The following UNC13B variants were observed in gnomAD, a reference collection of about 807,000 sequenced individuals.
The protein encoded by UNC13B is unc-13 homolog B.
A neutral mutation model predicts 211.0 loss-of-function variants in UNC13B; 144 were observed. That is an observed-to-expected ratio of 0.68 (90% confidence interval 0.60 to 0.78). UNC13B has a LOEUF of 0.78. Ranked by LOEUF, UNC13B falls within the 30% of genes least tolerant of loss-of-function variation. The pLI, the probability that UNC13B is intolerant of heterozygous loss-of-function variation, is 0.00. For synonymous variants in UNC13B, 709 were observed against 725.8 expected, an observed-to-expected ratio of 0.98 and a Z score of 0.37; for missense variants, 1,777 against 2,002.0, an observed-to-expected ratio of 0.89 and a Z score of 2.14.
chr9:35,281,209 C>A (rs1828466499), intron 7 of UNC13B, among the ~76,000 whole-genome samples: 1 of 148,650 alleles, frequency 6.7e-6, no homozygotes. Context: ...GAGATCACGC[C>A]ACTGCACTCC....
intron 7 of UNC13B, among the ~76,000 whole-genome samples, chr9:35,267,829 G>A (rs936647306): frequency 1.3e-5 from 2 of 152,136 alleles, no homozygotes; most frequent in Non-Finnish European, 1.5e-5. Context: ...ACCAAAAGAT[G>A]TACTTAGCTT....
chr9:35,304,386 G>A lies in UNC13B; in HGVS notation c.4982G>A (p.Arg1661Lys), dbSNP rs1329575939. ...YNRQKFKGDF[R>K]SFKERPCGSE... ...CGTCAAAAGTTTAAAGGAGACTTTA[G>A]ATCTTTCAAAGAAAGGCCGTGTGGT... is the stretch of plus-strand genomic sequence containing the variant. Residue 1661 changes from arginine to lysine, a missense_variant, in exon 9 of 40, where the codon AGA becomes AAA. Physicochemically the swap from Arg to Lys is conservative, Grantham distance 26. Coordinates refer to ENST00000635942, the MANE Select transcript of UNC13B (RefSeq NM_001371189.2). 1 of 398,532 alleles carries A rather than the reference G, an allele frequency of 2.5e-6. No homozygotes were observed. The highest frequency in any genetic ancestry group is 4.4e-6 in the Non-Finnish European group (1 of 225,884). The allele number at this position is 398,532 out of a possible 1,614,324, so 24.7% of individuals were successfully genotyped here. A position where few individuals can be genotyped will look rare whatever the true frequency, so the allele number is the denominator to read the frequency against.
Position 35,397,650 on chromosome 9 carries a change from C to T in UNC13B, c.11692C>T (p.Leu3898=). 1 of 1,613,818 alleles carries T rather than the reference C, an allele frequency of 6.2e-7. No homozygotes were observed. Among genetic ancestry groups the T allele is most frequent in the Non-Finnish European group, 8.5e-7 (1 of 1,179,906 alleles). ...RRFAKTIGKV[L]MQYADILSKD... is the part of the protein sequence containing the mutation. The stretch of plus-strand genomic sequence containing the variant: ...CTCTTCTCAGACCATCGGGAAGGTG[C>T]TGATGCAGTATGCAGACATCTTGTC... The change falls in exon 30 of 40, where the codon CTG becomes TTG. Residue 3898 remains leucine, a synonymous_variant. Coordinates refer to ENST00000635942, the MANE Select transcript of UNC13B (RefSeq NM_001371189.2).
chr9:35,404,003 A>G lies in UNC13B; in HGVS notation c.12993A>G (p.Ser4331=). Residue 4331 remains serine, a synonymous_variant, in exon 40 of 40, where the codon TCA becomes TCG. Transcript: ENST00000635942. ...CCCGAGAATTTGTGAAACTCAAATC[A>G]GAGTCTCGTTCCACGGAGGAGGGGA... ...EVAREFVKLK[S]ESRSTEEGS 6.2e-7 allele frequency: 1 copy of G among 1,613,920 alleles called. No homozygotes were observed. Among genetic ancestry groups the G allele is most frequent in the Non-Finnish European group, 8.5e-7 (1 of 1,180,006 alleles).
In UNC13B at chr9:35,376,009, TG is replaced by T. The variant is rs1564177259; in HGVS notation, c.9616-15del. 19 of 1,613,064 alleles carry T rather than the reference TG, an allele frequency of 1.2e-5. No homozygotes were observed. Among genetic ancestry groups the T allele is most frequent in the Non-Finnish European group, 1.6e-5 (19 of 1,179,182 alleles). On this transcript the variant is annotated intron_variant, in intron 14 of 39. Coordinates refer to ENST00000635942, the MANE Select transcript of UNC13B (RefSeq NM_001371189.2). The stretch of plus-strand genomic sequence containing the variant: ...CAAACAAAAAACAAAAATCATGGGA[TG>T]GGGTATGTGTCTTTCAGAAATCCCA...
chr9:35,219,569 A>G (rs530621790), intron 1 of UNC13B, among the ~76,000 whole-genome samples: 1 of 149,540 alleles, frequency 6.7e-6, no homozygotes, highest in African/African-American at 2.5e-5. Flanking sequence ...GTGAGCCATG[A>G]TTATACCACT....
chr9:35,333,557 T>C (rs1831485033), intron 11 of UNC13B, among the ~76,000 whole-genome samples: 1 of 152,242 alleles, frequency 6.6e-6, no homozygotes, highest in African/African-American at 2.4e-5. Context: ...TTCCTCCTTC[T>C]CCCTTTCATC....
At chr9:35,336,239 C>T (rs1831648227) in intron 11 of UNC13B, among the ~76,000 whole-genome samples, 1 of 152,108 alleles carries the variant, frequency 6.6e-6, no homozygotes, top group South Asian at 2.1e-4. Context: ...CCACTTCATA[C>T]AATGTGTTCA....
chr9:35,232,732 T>C (rs1326581735), intron 3 of UNC13B, among the ~76,000 whole-genome samples: 2 of 152,142 alleles, frequency 1.3e-5, no homozygotes, highest in Non-Finnish European at 2.9e-5. Context: ...GTACAGAAGA[T>C]AGTTAGAAAC....
intron 4 of UNC13B, 52 bp from the exon 5 acceptor site, chr9:35,237,651 T>C: frequency 6.3e-7 from 1 of 1,596,510 alleles, no homozygotes; most frequent in Non-Finnish European, 8.5e-7. Flanking sequence ...ACTCTTGAAC[T>C]AAGAGGGAGC....
At chr9:35,365,440 G>A (rs994865772) in intron 11 of UNC13B, among the ~76,000 whole-genome samples, 2 of 152,140 alleles carry the variant, frequency 1.3e-5, no homozygotes, top group South Asian at 4.1e-4. Flanking sequence ...CAGACTTTTT[G>A]TGACTTTGTT....
At chr9:35,401,903 C>G in intron 37 of UNC13B, 1 of 1,527,334 alleles carries the variant, frequency 6.5e-7, no homozygotes, top group South Asian at 1.2e-5. Flanking sequence ...ATTCTTCTTT[C>G]TCTGTTCTGC....
chr9:35,238,615 G>A (rs1825643781), intron 5 of UNC13B, among the ~76,000 whole-genome samples: 1 of 151,432 alleles, frequency 6.6e-6, no homozygotes, highest in African/African-American at 2.4e-5. Flanking sequence ...TAGGGCAGTG[G>A]CATGATCTTG....
chr9:35,276,918 TA>T (rs1189768046), intron 7 of UNC13B, among the ~76,000 whole-genome samples: 1 of 152,196 alleles, frequency 6.6e-6, no homozygotes. Context: ...TTTTAGAGCA[TA>T]ATAATGAAAC....
rs1832293704 is a variant in UNC13B at position 35,345,466 on chromosome 9, T to G, written c.9415-21481T>G. Among the ~76,000 whole-genome samples the G allele has an allele frequency of 2.0e-5, 3 of 152,016 alleles. No individual in the cohort carries two copies. The South Asian group carries it at 6.2e-4, about 32-fold the overall frequency. On this transcript the variant is annotated intron_variant, in intron 11 of 39. Transcript: ENST00000635942. ...ATATCAGGGGTAGGGGATAAGAAAT[T>G]TGGTCAGATACCAAGCATAGACAGA...
intron 20 of UNC13B, among the ~76,000 whole-genome samples, chr9:35,382,099 A>G (rs571587030): frequency 1.3e-5 from 2 of 152,306 alleles, no homozygotes; most frequent in South Asian, 4.1e-4. Context: ...AGAGAACACT[A>G]AACTGCAGGG....
At chr9:35,385,458 G>A in intron 22 of UNC13B, 1 of 985,430 alleles carries the variant, frequency 1.0e-6, no homozygotes, top group Non-Finnish European at 1.2e-6. Flanking sequence ...TTGTACAAGT[G>A]CTTATACATT....
rs574519226 is a variant in UNC13B, at chr9:35,356,584, TTATTA to T, written c.9415-10360_9415-10356del. 9.2e-3 allele frequency among the ~76,000 whole-genome samples: 1,395 copies of T among 152,320 alleles called. 9 individuals carry two copies. The highest frequency in any genetic ancestry group is 0.015 in the Non-Finnish European group (1,051 of 68,032). On this transcript the variant is annotated intron_variant, in intron 11 of 39. Transcript: ENST00000635942. The stretch of plus-strand genomic sequence containing the variant: ...ACAGTTGATGATCACTTTCCTCTTT[TTATTA>T]TAACAGCTTTATTGAGTTATAATTC...
At position 35,399,664 on chromosome 9, in the gene UNC13B, G is replaced by A. The variant is rs758996557; in HGVS notation, c.12271G>A (p.Glu4091Lys). The change falls in exon 36 of 40, where the codon GAG (glutamate) becomes AAG (lysine). Residue 4091 changes from glutamate to lysine, a missense_variant. Glu to Lys is a moderately conservative substitution (Grantham distance 56). Coordinates refer to ENST00000635942, the MANE Select transcript of UNC13B (RefSeq NM_001371189.2). Reference sequence around the variant, plus strand: ...CTCTGAACAGGATCACATGGTACGAGAGGAAACACGGAATCTCACTCCAAA... The same window carrying A: ...CTCTGAACAGGATCACATGGTACGAAAGGAAACACGGAATCTCACTCCAAA... ...LSKLKDHMVR[E>K]ETRNLTPKQC... The A allele has an allele frequency of 6.2e-7, 1 of 1,614,156 alleles. No homozygotes were observed. The highest frequency in any genetic ancestry group is 1.1e-5 in the South Asian group (1 of 91,080).
Sources: gnomAD v4.1 joint callset for allele counts (sites outside exome capture counted in the v4.1 genomes callset) on GRCh38, gnomAD v4.1.1 for gene constraint, MANE v1.5 for transcripts, NCBI Gene and HGNC (gene_info 2026-07-23, HGNC 2026-07-21) for gene names.